HS6ST3: variants seen among roughly 807,000 people sequenced by gnomAD.
HS6ST3 encodes the protein heparan sulfate 6-O-sulfotransferase 3.
In HS6ST3, 12 loss-of-function variants were observed where a neutral mutation model predicts 36.7. The ratio of observed to expected loss-of-function variants is 0.33; its 90% CI spans 0.21 to 0.53. The LOEUF is 0.53. Among genes scored for constraint, HS6ST3 ranks in the 20% least tolerant of loss-of-function variants. The pLI, the probability that HS6ST3 is intolerant of heterozygous loss-of-function variation, is 0.95. For missense variants in HS6ST3, 584 were observed against 640.9 expected, an observed-to-expected ratio of 0.91 and a Z score of 0.96; for synonymous variants, 240 against 257.5, an observed-to-expected ratio of 0.93 and a Z score of 0.65.
intron 1 of HS6ST3, among the ~76,000 whole-genome samples, chr13:96,362,410 G>T (rs1453233426): frequency 4.6e-5 from 7 of 152,116 alleles, no homozygotes; most frequent in African/African-American, 1.7e-4. Flanking sequence ...GATAGGATAG[G>T]CCAAACTACT....
intron 1 of HS6ST3, among the ~76,000 whole-genome samples, chr13:96,282,154 C>T (rs761739664): frequency 7.9e-5 from 12 of 152,088 alleles, no homozygotes; most frequent in Non-Finnish European, 1.5e-4. Context: ...GAAGAGGGTA[C>T]GTCATGAGTC....
At chr13:96,562,965 G>C (rs556661429) in intron 1 of HS6ST3, among the ~76,000 whole-genome samples, 166 of 151,864 alleles carry the variant, frequency 1.1e-3, no homozygotes, top group Admixed American at 2.6e-3. Flanking sequence ...AGGTTTCTGA[G>C]GGCTGGCTAA....
intron 1 of HS6ST3, among the ~76,000 whole-genome samples, chr13:96,418,724 G>A (rs185708212): frequency 3.5e-4 from 54 of 152,298 alleles, no homozygotes; most frequent in African/African-American, 1.1e-3. Context: ...AGAGGAGGCC[G>A]GCAGTAACAG....
chr13:96,456,342 C>G (rs1354235776), intron 1 of HS6ST3, among the ~76,000 whole-genome samples: 2 of 152,126 alleles, frequency 1.3e-5, no homozygotes, highest in Non-Finnish European at 2.9e-5. Flanking sequence ...TCAGAACATG[C>G]ATTTTCTATT....
At chr13:96,320,786 C>G (rs1380205497) in intron 1 of HS6ST3, among the ~76,000 whole-genome samples, 1 of 152,198 alleles carries the variant, frequency 6.6e-6, no homozygotes, top group African/African-American at 2.4e-5. Context: ...CTGGGGACTC[C>G]TATTTCCCAC....
At chr13:96,498,523 A>G (rs1237423664) in intron 1 of HS6ST3, among the ~76,000 whole-genome samples, 5 of 152,126 alleles carry the variant, frequency 3.3e-5, no homozygotes, top group African/African-American at 9.7e-5. Context: ...TTTTCTACCC[A>G]TAGTGACCAC....
At chr13:96,427,385 C>T (rs796690372) in intron 1 of HS6ST3, 1 of 152,180 alleles carries the variant, frequency 6.6e-6, no homozygotes, top group East Asian at 1.9e-4. Flanking sequence ...CTTCTTTCTC[C>T]CCTCCTTTTT....
chr13:96,168,234 G>A (rs186495100), intron 1 of HS6ST3, among the ~76,000 whole-genome samples: 17 of 152,250 alleles, frequency 1.1e-4, no homozygotes. Flanking sequence ...TGGCTATGGA[G>A]CCAGCAGTTT....
At chr13:96,723,511 G>C (rs1359986012) in intron 1 of HS6ST3, among the ~76,000 whole-genome samples, 1 of 152,182 alleles carries the variant, frequency 6.6e-6, no homozygotes, top group African/African-American at 2.4e-5. Flanking sequence ...TTATTTAGAG[G>C]TGTCCGGTGC....
chr13:96,443,025 A>G (rs1002629573), intron 1 of HS6ST3, among the ~76,000 whole-genome samples: 1 of 152,144 alleles, frequency 6.6e-6, no homozygotes, highest in Non-Finnish European at 1.5e-5. Flanking sequence ...AATTCTCCCA[A>G]CAAAGACAGA....
intron 1 of HS6ST3, among the ~76,000 whole-genome samples, chr13:96,385,534 G>A (rs2055363254): frequency 6.6e-6 from 1 of 152,126 alleles, no homozygotes; most frequent in Non-Finnish European, 1.5e-5. Flanking sequence ...TAGTGGATGT[G>A]GACCACTCTT....
chr13:96,335,169 A>G (rs934231724), intron 1 of HS6ST3, among the ~76,000 whole-genome samples: 2 of 152,096 alleles, frequency 1.3e-5, no homozygotes, highest in African/African-American at 4.8e-5. Flanking sequence ...CCATGTGCCC[A>G]TCAAAGTCCA....
At position 96,231,338 on chromosome 13, in the gene HS6ST3, C is replaced by T. The variant is rs1305275103; in HGVS notation, c.707+139769C>T. ...ATAGTCCTGTATTAGTCCATTCTCA[C>T]ACTGCTATAAAGAAGTGCCTAAGAA... On this transcript the variant is annotated intron_variant, in intron 1 of 1. Coordinates refer to ENST00000376705, the MANE Select transcript of HS6ST3 (RefSeq NM_153456.4). Among the ~76,000 whole-genome samples the T allele has an allele frequency of 3.3e-5, 5 of 152,180 alleles. No homozygotes were observed. In the East Asian group the frequency reaches 7.7e-4, roughly 23 times the overall value.
intron 1 of HS6ST3, among the ~76,000 whole-genome samples, chr13:96,763,688 T>G (rs996695000): frequency 3.9e-5 from 6 of 152,170 alleles, no homozygotes; most frequent in African/African-American, 1.4e-4. Flanking sequence ...TCCTTTTGCT[T>G]TAGTTTCCTC....
intron 1 of HS6ST3, among the ~76,000 whole-genome samples, chr13:96,099,953 C>T (rs1001637573): frequency 6.6e-6 from 1 of 152,012 alleles, no homozygotes; most frequent in Non-Finnish European, 1.5e-5. Context: ...TAACTTAATG[C>T]GTGTCTGTAA....
intron 1 of HS6ST3, among the ~76,000 whole-genome samples, chr13:96,675,188 G>A (rs2056695109): frequency 6.6e-6 from 1 of 151,992 alleles, no homozygotes; most frequent in South Asian, 2.1e-4. Flanking sequence ...CTCCCAGTAT[G>A]AATTATAGTT....
At chr13:96,251,584 T>C (rs1263507147) in intron 1 of HS6ST3, among the ~76,000 whole-genome samples, 1 of 152,072 alleles carries the variant, frequency 6.6e-6, no homozygotes, top group Non-Finnish European at 1.5e-5. Flanking sequence ...TGCTCTAATC[T>C]TTATTGTCTT....
intron 1 of HS6ST3, among the ~76,000 whole-genome samples, chr13:96,765,270 C>T (rs1594854876): frequency 6.6e-6 from 1 of 151,962 alleles, no homozygotes; most frequent in East Asian, 1.9e-4. Flanking sequence ...GACGGGGTTT[C>T]ACCATGTTAG....
At position 96,397,414 on chromosome 13, in the gene HS6ST3, A is replaced by C. The variant is rs7338477; in HGVS notation, c.707+305845A>C. Among the ~76,000 whole-genome samples, 474 of 152,156 alleles carry C rather than the reference A, an allele frequency of 3.1e-3. 4 individuals carry two copies. The highest frequency in any genetic ancestry group is 0.011 in the African/African-American group (455 of 41,504). Reference sequence around the variant, plus strand: ...TTCTTTGTGTAATCCATTTTTGTCTATCTTAATACTTTACATTTTCACAAA... The same window carrying C: ...TTCTTTGTGTAATCCATTTTTGTCTCTCTTAATACTTTACATTTTCACAAA... On this transcript the variant is annotated intron_variant, in intron 1 of 1. Transcript: ENST00000376705.
Sources: gnomAD v4.1 joint callset for allele counts (sites outside exome capture counted in the v4.1 genomes callset) on GRCh38, gnomAD v4.1.1 for gene constraint, MANE v1.5 for transcripts, NCBI Gene and HGNC (gene_info 2026-07-23, HGNC 2026-07-21) for gene names.